B4GALNT1: variants seen among roughly 807,000 people sequenced by gnomAD.
The protein encoded by B4GALNT1 is beta-1,4 N-acetylgalactosaminyltransferase 1.
A neutral mutation model predicts 55.2 loss-of-function variants in B4GALNT1; 43 were observed. The observed-to-expected ratio is 0.78, with a 90% CI of 0.61 to 1.00. B4GALNT1 has a LOEUF of 1.00. Among genes scored for constraint, B4GALNT1 ranks in the 50% least tolerant of loss-of-function variants. The pLI is 0.00. For missense variants in B4GALNT1, 664 were observed against 729.7 expected (o/e 0.91, Z 1.04); for synonymous variants, 305 against 311.6 (o/e 0.98, Z 0.22).
intron 3 of B4GALNT1, 51 bp from the exon 4 acceptor site, chr12:57,631,137 C>T (rs1205657978): frequency 6.8e-6 from 11 of 1,609,974 alleles, no homozygotes; most frequent in Non-Finnish European, 9.3e-6. Flanking sequence ...GAGAGGGTCT[C>T]TCCCTCCCGG....
intron 5 of B4GALNT1, 38 bp downstream of exon 5, chr12:57,630,440 T>G: frequency 6.2e-7 from 1 of 1,600,954 alleles, no homozygotes; most frequent in Non-Finnish European, 8.5e-7. Context: ...GCATTCTTGA[T>G]GCCTACTTGG....
chr12:57,630,382 C>T, intron 5 of B4GALNT1, 50 bp from the exon 6 acceptor site: 2 of 1,599,164 alleles, frequency 1.3e-6, no homozygotes, highest in Non-Finnish European at 8.6e-7. Context: ...CCACTTCTTG[C>T]CTCCCTGATT....
intron 6 of B4GALNT1, chr12:57,629,751 C>A: frequency 1.4e-6 from 2 of 1,428,262 alleles, no homozygotes; most frequent in Non-Finnish European, 1.8e-6. Flanking sequence ...GTGCAACAAA[C>A]CAGCTTTGGG....
Position 57,631,199 on chromosome 12 carries a change from C to T in B4GALNT1, c.383+1G>A, listed in dbSNP as rs371013292. 74 of 1,614,024 alleles carry T rather than the reference C, an allele frequency of 4.6e-5. No homozygotes were observed. Among genetic ancestry groups the T allele is most frequent in the Non-Finnish European group, 5.8e-5 (68 of 1,180,018 alleles). On this transcript the variant is annotated splice_donor_variant, in intron 3 of 10. Coordinates refer to ENST00000341156, the MANE Select transcript of B4GALNT1 (RefSeq NM_001478.5). LOFTEE classifies it high-confidence loss of function. ...GTCATGCGCTTCTTTCAAGCTGGTA[C>T]CTCGACAGAAAGGCCTGGAACTCCT...
intron 6 of B4GALNT1, 143 bp downstream of exon 6, chr12:57,630,009 C>G: frequency 6.4e-7 from 1 of 1,554,998 alleles, no homozygotes; most frequent in Non-Finnish European, 8.7e-7. Context: ...CCCTGCTGGT[C>G]CAGTTGAAGC....
intron 6 of B4GALNT1, 195 bp from the exon 7 acceptor site, chr12:57,629,341 G>T (rs941543488): frequency 4.1e-6 from 2 of 489,416 alleles, no homozygotes; most frequent in Non-Finnish European, 7.0e-6. Context: ...TTAAGTAAAA[G>T]CTAATCTTTA....
Position 57,625,718 on chromosome 12 carries a change from C to G in B4GALNT1, c.*1026G>C, listed in dbSNP as rs775049312. On this transcript the variant is annotated 3_prime_UTR_variant, in exon 11 of 11. Coordinates refer to ENST00000341156, the MANE Select transcript of B4GALNT1 (RefSeq NM_001478.5). ...GGGGCAGTAGCACCAGGAGCGGGAG[C>G]CAGGAGGCACTGGGCTGCGGCAAGT... 1 of 1,535,526 alleles carries G rather than the reference C, an allele frequency of 6.5e-7. No homozygotes were observed. The highest frequency in any genetic ancestry group is 8.7e-7 in the Non-Finnish European group (1 of 1,143,938).
rs767767286 is a variant in B4GALNT1, at chr12:57,624,129, CCT to C, written c.*2613_*2614del. 2.6e-5 allele frequency: 42 copies of C among 1,606,754 alleles called. No individual in the cohort carries two copies. Among genetic ancestry groups the C allele is most frequent in the East Asian group, 2.2e-5 (1 of 44,836 alleles). On this transcript the variant is annotated 3_prime_UTR_variant, in exon 11 of 11. Transcript: ENST00000341156. The stretch of plus-strand genomic sequence containing the variant: ...AAATGCCATTACCCCCAGATTGCCC[CCT>C]CTCATCTTGTTAGCATCCCCAGCCT...
At chr12:57,629,898 G>T (rs1485084709) in intron 6 of B4GALNT1, 14 of 1,533,350 alleles carry the variant, frequency 9.1e-6, no homozygotes, top group Non-Finnish European at 1.2e-5. Context: ...TCTTCCTGGG[G>T]CCCCCCACAG....
chr12:57,625,663 C>T lies in B4GALNT1; in HGVS notation c.*1081G>A, dbSNP rs1163890489. On this transcript the variant is annotated 3_prime_UTR_variant, in exon 11 of 11. Transcript: ENST00000341156. Reference sequence around the variant, plus strand: ...CAGCTGTTTGTGAGTGTGCAGGATGCAGCTGCTTATGCCCTGGGGAGCCTG... The same window carrying T: ...CAGCTGTTTGTGAGTGTGCAGGATGTAGCTGCTTATGCCCTGGGGAGCCTG... 6.3e-7 allele frequency: 1 copy of T among 1,588,396 alleles called. No individual in the cohort carries two copies. Among genetic ancestry groups the T allele is most frequent in the Non-Finnish European group, 8.6e-7 (1 of 1,167,208 alleles).
intron 8 of B4GALNT1, 123 bp from the exon 9 acceptor site, chr12:57,628,385 G>A (rs1594980513): frequency 3.6e-6 from 5 of 1,404,758 alleles, no homozygotes; most frequent in Middle Eastern, 2.0e-4. Flanking sequence ...GAGTGCTTTC[G>A]AAAGGCCAGG....
At chr12:57,627,256 G>A (rs1884879465) in intron 10 of B4GALNT1, among the ~76,000 whole-genome samples, 2 of 152,126 alleles carry the variant, frequency 1.3e-5, no homozygotes, top group South Asian at 4.1e-4. Flanking sequence ...AGTAGAGCAG[G>A]GGTGGCGGGA....
chr12:57,624,084 A>G lies in B4GALNT1; in HGVS notation c.*2660T>C. On this transcript the variant is annotated 3_prime_UTR_variant, in exon 11 of 11. Transcript: ENST00000341156. ...GGAACTTCCACAACTATGGCACATC[A>G]GCCGAGTGGACTTTGTGAGAAATGC... 6.2e-7 allele frequency: 1 copy of G among 1,613,958 alleles called. No homozygotes were observed. Among genetic ancestry groups the G allele is most frequent in the Admixed American group, 1.7e-5 (1 of 59,972 alleles).
intron 2 of B4GALNT1, 117 bp from the exon 3 acceptor site, chr12:57,631,481 GT>G: frequency 8.3e-7 from 1 of 1,206,134 alleles, no homozygotes; most frequent in Non-Finnish European, 1.2e-6. Context: ...TCTAGGCTCT[GT>G]CCCCTTAAAT....
chr12:57,629,132 C>T lies in B4GALNT1; in HGVS notation c.727G>A (p.Glu243Lys), dbSNP rs768739099. 3.4e-5 allele frequency: 54 copies of T among 1,594,202 alleles called. No individual in the cohort carries two copies. In the East Asian group the frequency reaches 9.2e-4, roughly 27 times the overall value. The change falls in exon 7 of 11, where the codon GAG (glutamate) becomes AAG (lysine). Residue 243 changes from glutamate to lysine, a missense_variant. Transcript: ENST00000341156. Reference protein sequence around the residue: ...NTADTVRFSTEGHEAAFTIRI... With the variant: ...NTADTVRFSTKGHEAAFTIRI... ...ATAGTGAAAGCAGCCTCATGTCCCT[C>T]GGTGGAGAACCGGACTGGGAAGAAA...
intron 6 of B4GALNT1, chr12:57,629,796 G>A (rs1308152670): frequency 4.2e-6 from 6 of 1,439,416 alleles, no homozygotes; most frequent in Non-Finnish European, 4.5e-6. Context: ...CTCTTTTGCT[G>A]GAAGAGAAAT....
intron 1 of B4GALNT1, 76 bp from the exon 2 acceptor site, chr12:57,632,209 G>T: frequency 7.3e-7 from 1 of 1,372,974 alleles, no homozygotes; most frequent in Non-Finnish European, 1.0e-6. Context: ...TGGCCCCCGC[G>T]TCCTCAGAGG....
In B4GALNT1 at chr12:57,627,750, C is replaced by A; in HGVS notation, c.1252G>T (p.Gly418Cys). 6.2e-7 allele frequency: 1 copy of A among 1,609,258 alleles called. No homozygotes were observed. Among genetic ancestry groups the A allele is most frequent in the African/African-American group, 1.3e-5 (1 of 74,936 alleles). Reference protein sequence around the residue: ...GLGNCLRQRRGFHHELVGFPG... With the variant: ...GLGNCLRQRRCFHHELVGFPG... ...AAGCCGACGAGCTCGTGGTGGAAGC[C>A]GCGCCTTTGCCGGAGGCAGTTCCCG... is the stretch of plus-strand genomic sequence containing the variant. Residue 418 changes from glycine to cysteine, a missense_variant, in exon 10 of 11, where the codon GGC becomes TGC. Coordinates refer to ENST00000341156, the MANE Select transcript of B4GALNT1 (RefSeq NM_001478.5).
Position 57,623,862 on chromosome 12 carries a change from G to C in B4GALNT1, c.*2882C>G. The C allele has an allele frequency of 6.2e-7, 1 of 1,614,104 alleles. No individual in the cohort carries two copies. Among genetic ancestry groups the C allele is most frequent in the Non-Finnish European group, 8.5e-7 (1 of 1,180,010 alleles). On this transcript the variant is annotated 3_prime_UTR_variant, in exon 11 of 11. Coordinates refer to ENST00000341156, the MANE Select transcript of B4GALNT1 (RefSeq NM_001478.5). ...TGGCAGGCCTCTTCTCCTGCACAGT[G>C]GTCCTGTCGGTGCTGCTGTGGCTGG...
Sources: gnomAD v4.1 joint callset for allele counts (sites outside exome capture counted in the v4.1 genomes callset) on GRCh38, gnomAD v4.1.1 for gene constraint, MANE v1.5 for transcripts, NCBI Gene and HGNC (gene_info 2026-07-23, HGNC 2026-07-21) for gene names.